The following CEP290 variants were observed in gnomAD, a reference collection of about 807,000 sequenced individuals.
CEP290 encodes centrosomal protein 290, also known as centrosomal protein of 290 kDa.
Under a neutral mutation model 344.9 loss-of-function variants are expected in CEP290, and 317 were observed. That is an observed-to-expected ratio of 0.92 (90% CI 0.84 to 1.01). The LOEUF (loss-of-function observed/expected upper bound fraction) is 1.01, where lower values mean the gene tolerates loss of function less well. Ranked by LOEUF, CEP290 falls within the 50% of genes least tolerant of loss-of-function variation. CEP290 has a pLI of 0.00. For missense variants in CEP290, 2,754 were observed against 2,761.4 expected (o/e 1.00, Z 0.06); for synonymous variants, 932 against 895.8 (o/e 1.04, Z -0.72).
intron 47 of CEP290, among the ~76,000 whole-genome samples, 152 bp from the exon 48 acceptor site, chr12:88,060,172 G>A (rs746166475): frequency 2.0e-5 from 3 of 152,178 alleles, no homozygotes; most frequent in African/African-American, 7.2e-5. Flanking sequence ...TAGTGAGAAC[G>A]AAGTTCCCAA....
Position 88,118,568 on chromosome 12 carries a change from A to C in CEP290, c.1626T>G (p.Ile542Met), listed in dbSNP as rs762272190. ...RAENQILLKE[I>M]ESLEEERLDL... ...CAAGTCGTTCTTCCTCTAGACTTTC[A>C]ATCTGCAAAGTATAAATTATTAGTA... Residue 542 changes from isoleucine (I) to methionine (M), a missense_variant and splice_region_variant, in exon 17 of 54, where the codon ATT becomes ATG. Physicochemically the swap from Ile to Met is conservative, Grantham distance 10. Transcript: ENST00000552810. The C allele has an allele frequency of 1.2e-5, 20 of 1,601,376 alleles. No homozygotes were observed. Among genetic ancestry groups the C allele is most frequent in the Non-Finnish European group, 1.6e-5 (19 of 1,172,580 alleles).
Position 88,053,664 on chromosome 12 carries a change from T to C in CEP290, c.7117A>G (p.Ser2373Gly). ...TAAAATACATTACCAGGTATGGTGC[T>C]TTCAGCTCCACTTTGGTCCTTGTTA... ...EANKDQSGAESTIPDADQLKE... is the reference protein window; with the variant it reads ...EANKDQSGAEGTIPDADQLKE... The change falls in exon 52 of 54, where the codon AGC (serine) becomes GGC (glycine). Residue 2373 changes from serine to glycine, a missense_variant. Transcript: ENST00000552810. 6.5e-7 allele frequency: 1 copy of C among 1,529,586 alleles called. No individual in the cohort carries two copies. Among genetic ancestry groups the C allele is most frequent in the Non-Finnish European group, 8.9e-7 (1 of 1,126,496 alleles). 94.8% of individuals were successfully genotyped at this position (1,529,586 alleles called of 1,614,324 possible). A position where few individuals can be genotyped will look rare whatever the true frequency, so the allele number is the denominator to read the frequency against.
rs1185071952 is a variant in CEP290 at position 88,089,726 on chromosome 12, GT to G, written c.3574-240del. Reference sequence around the variant, plus strand: ...GAATAACAGTGGGTATGTTACTGGTGTTTTTTTTTTTTTTTTTTGAGACAGA... The same window carrying G: ...GAATAACAGTGGGTATGTTACTGGTGTTTTTTTTTTTTTTTTTGAGACAGA... On this transcript the variant is annotated intron_variant, in intron 30 of 53. Coordinates refer to ENST00000552810, the MANE Select transcript of CEP290 (RefSeq NM_025114.4). 1.1e-3 allele frequency among the ~76,000 whole-genome samples: 150 copies of G among 130,888 alleles called. 1 individual carries two copies. Among genetic ancestry groups the G allele is most frequent in the African/African-American group, 2.4e-3 (84 of 35,622 alleles). 85.9% of individuals were successfully genotyped at this position (130,888 alleles called of 152,430 possible). A position where few individuals can be genotyped will look rare whatever the true frequency, so the allele number is the denominator to read the frequency against.
chr12:88,064,938 C>A (rs565544804), intron 44 of CEP290, among the ~76,000 whole-genome samples: 1 of 152,102 alleles, frequency 6.6e-6, no homozygotes, highest in Admixed American at 6.5e-5. Flanking sequence ...CTCCTTCATT[C>A]TTTGAGCTAA....
intron 47 of CEP290, 31 bp from the exon 48 acceptor site, chr12:88,060,051 T>C: frequency 1.4e-6 from 2 of 1,458,814 alleles, no homozygotes; most frequent in South Asian, 1.3e-5. Flanking sequence ...ATAAAAAGTA[T>C]ACATTATCAA....
rs531115121 is a variant in CEP290 at position 88,057,475 on chromosome 12, T to G, written c.6818+1373A>C. The stretch of plus-strand genomic sequence containing the variant: ...CCAAGAAATCAACTGACAGGACTGC[T>G]GGCTCAGAGCCACTGCTAGGGTCCA... On this transcript the variant is annotated intron_variant, in intron 49 of 53. Transcript: ENST00000552810. Among the ~76,000 whole-genome samples the G allele has an allele frequency of 1.4e-4, 22 of 152,324 alleles. No homozygotes were observed. In the South Asian group the frequency reaches 1.7e-3, roughly 11 times the overall value.
At position 88,109,091 on chromosome 12, in the gene CEP290, T is replaced by G; in HGVS notation, c.2458A>C (p.Ser820Arg). 7.0e-7 allele frequency: 1 copy of G among 1,421,138 alleles called. No individual in the cohort carries two copies. The highest frequency in any genetic ancestry group is 2.6e-5 in the East Asian group (1 of 39,164). The allele number at this position is 1,421,138 out of a possible 1,614,324, so 88.0% of individuals were successfully genotyped here. A position where few individuals can be genotyped will look rare whatever the true frequency, so the allele number is the denominator to read the frequency against. ...RKFAVIRHQQ[S>R]LLYKEYLSEK... ...CTTAGGTATTCTTTATACAACAAAC[T>G]TTGTTGATGACGAATTACAGCAAAT... Residue 820 changes from serine (S) to arginine (R), a missense_variant, in exon 23 of 54, where the codon AGT becomes CGT. Physicochemically the swap from Ser to Arg is moderately radical, Grantham distance 110. Transcript: ENST00000552810.
chr12:88,120,178 G>T lies in CEP290; in HGVS notation c.1458C>A (p.Ile486=), dbSNP rs2039317734. 4 of 1,527,186 alleles carry T rather than the reference G, an allele frequency of 2.6e-6. No homozygotes were observed. The highest frequency in any genetic ancestry group is 1.4e-5 in the African/African-American group (1 of 72,026). The allele number at this position is 1,527,186 out of a possible 1,614,324, so 94.6% of individuals were successfully genotyped here. A position where few individuals can be genotyped will look rare whatever the true frequency, so the allele number is the denominator to read the frequency against. ...DREIEILTKE[I]NKLELKISDF... ...CACTGATCTTCAATTCAAGTTTATT[G>T]ATTTCCTTTGTTAATATTTCAATCT... The change falls in exon 15 of 54, where the codon ATC becomes ATA. Residue 486 remains isoleucine, a synonymous_variant. Transcript: ENST00000552810.
chr12:88,079,062 T>G, intron 39 of CEP290, 30 bp downstream of exon 39: 4 of 1,505,634 alleles, frequency 2.7e-6, no homozygotes, highest in Non-Finnish European at 3.5e-6. Flanking sequence ...TATCAGAAAT[T>G]TTGTTACATT....
intron 31 of CEP290, among the ~76,000 whole-genome samples, chr12:88,088,204 C>T (rs372856452): frequency 9.9e-5 from 15 of 152,124 alleles, no homozygotes; most frequent in Admixed American, 3.3e-4. Flanking sequence ...ATTTGTTATA[C>T]GTTTATTGAA....
chr12:88,079,173 T>C lies in CEP290; in HGVS notation c.5283A>G (p.Glu1761=), dbSNP rs749975524. ...TTTGAGAAGTTGCAGAAATAATACG[T>C]TCTTCAGCAGCTGCTGTCATTTCTG... The part of the protein sequence containing the change: ...LRAEMTAAAE[E]RIISATSQKE... Residue 1761 remains glutamate (E), a synonymous_variant, in exon 39 of 54, where the codon GAA becomes GAG. Coordinates refer to ENST00000552810, the MANE Select transcript of CEP290 (RefSeq NM_025114.4). The C allele has an allele frequency of 3.1e-6, 5 of 1,603,272 alleles. No homozygotes were observed. In the East Asian group the frequency reaches 1.1e-4, roughly 36 times the overall value.
Position 88,050,383 on chromosome 12 carries a change from T to C in CEP290, c.7180A>G (p.Met2394Val). The C allele has an allele frequency of 6.4e-7, 1 of 1,560,288 alleles. No individual in the cohort carries two copies. The highest frequency in any genetic ancestry group is 8.8e-7 in the Non-Finnish European group (1 of 1,140,458). Residue 2394 changes from methionine (M) to valine (V), a missense_variant, in exon 53 of 54, where the codon ATG becomes GTG. Coordinates refer to ENST00000552810, the MANE Select transcript of CEP290 (RefSeq NM_025114.4). Reference sequence around the variant, plus strand: ...AAATGCTGCTTTTCTAGATCTGACATTTTGAGCTGTGTCTCTAGATCTTTT... The same window carrying C: ...AAATGCTGCTTTTCTAGATCTGACACTTTGAGCTGTGTCTCTAGATCTTTT... ...KIKDLETQLK[M>V]SDLEKQHLKE...
chr12:88,119,839 T>C (rs1480584807), intron 15 of CEP290, among the ~76,000 whole-genome samples: 1 of 152,128 alleles, frequency 6.6e-6, no homozygotes, highest in Non-Finnish European at 1.5e-5. Context: ...GTGGTATTAA[T>C]AAACTTTCAT....
At chr12:88,085,433 T>C (rs2036505955) in intron 34 of CEP290, among the ~76,000 whole-genome samples, 2 of 152,118 alleles carry the variant, frequency 1.3e-5, no homozygotes, top group African/African-American at 4.8e-5. Flanking sequence ...GAAGAAAATC[T>C]ACGTTTCCTG....
At chr12:88,112,244 C>T (rs758167199) in intron 20 of CEP290, among the ~76,000 whole-genome samples, 2 of 152,064 alleles carry the variant, frequency 1.3e-5, no homozygotes, top group Non-Finnish European at 2.9e-5. Flanking sequence ...GTGAGCTCTG[C>T]TCCCTACATG....
chr12:88,094,523 C>T (rs2037288431), intron 27 of CEP290, among the ~76,000 whole-genome samples: 1 of 151,912 alleles, frequency 6.6e-6, no homozygotes, highest in Admixed American at 6.6e-5. Flanking sequence ...ATTTTACATT[C>T]TTTTATTAGT....
At position 88,111,267 on chromosome 12, in the gene CEP290, C is replaced by A; in HGVS notation, c.2302G>T (p.Gly768Trp). Residue 768 changes from glycine to tryptophan, a missense_variant, in exon 22 of 54, where the codon GGG becomes TGG. Physicochemically the swap from Gly to Trp is radical, Grantham distance 184. Transcript: ENST00000552810. ...ATACTGGCACTAGATGGTGCTATCC[C>A]ATCAGGTAAGTCAATTCCTTTAAAA... ...VVFKGIDLPD[G>W]IAPSSASIIN... The A allele has an allele frequency of 6.5e-7, 1 of 1,546,654 alleles. No homozygotes were observed. The highest frequency in any genetic ancestry group is 2.4e-5 in the East Asian group (1 of 41,560).
chr12:88,111,148 A>T, intron 22 of CEP290, 54 bp downstream of exon 22: 22 of 1,029,872 alleles, frequency 2.1e-5, no homozygotes, highest in Non-Finnish European at 2.9e-5. Context: ...ACTACCAATG[A>T]TTTTTGTTAT....
At chr12:88,134,979 A>C (rs1216188803) in intron 6 of CEP290, among the ~76,000 whole-genome samples, 2 of 152,116 alleles carry the variant, frequency 1.3e-5, no homozygotes, top group Non-Finnish European at 1.5e-5. Flanking sequence ...CACATCCTGC[A>C]CCTCAAGGCT....
Sources: gnomAD v4.1 joint callset for allele counts (sites outside exome capture counted in the v4.1 genomes callset) on GRCh38, gnomAD v4.1.1 for gene constraint, MANE v1.5 for transcripts, NCBI Gene and HGNC (gene_info 2026-07-23, HGNC 2026-07-21) for gene names.